DLGAP2: variants seen among roughly 807,000 people sequenced by gnomAD.
The protein encoded by DLGAP2 is disks large-associated protein 2.
Under a neutral mutation model 100.3 loss-of-function variants are expected in DLGAP2, and 26 were observed. That is an observed-to-expected ratio of 0.26 (90% CI 0.19 to 0.36). The LOEUF (loss-of-function observed/expected upper bound fraction) is 0.36. DLGAP2 is among the 10% of genes least tolerant of loss of function. DLGAP2 has a pLI of 1.00. For missense variants in DLGAP2, 1,858 were observed against 1,453.2 expected (o/e 1.28, Z -4.53); for synonymous variants, 886 against 630.1 (o/e 1.41, Z -6.08).
At position 749,067 on chromosome 8, in the gene DLGAP2, A is replaced by G. The variant is rs537816089; in HGVS notation, c.18+11242A>G. ...CAGGCTGGAATGCAGGGGCATCATC[A>G]TAGCTCAGTGCAGCCTTGACTTTCT... On this transcript the variant is annotated intron_variant, in intron 1 of 14. Transcript: ENST00000637795. Among the ~76,000 whole-genome samples, 6 of 152,292 alleles carry G rather than the reference A, an allele frequency of 3.9e-5. No homozygotes were observed. In the South Asian group the frequency reaches 1.2e-3, roughly 32 times the overall value.
intron 1 of DLGAP2, among the ~76,000 whole-genome samples, chr8:877,719 A>T (rs979008087): frequency 6.6e-6 from 1 of 152,162 alleles, no homozygotes; most frequent in African/African-American, 2.4e-5. Context: ...TCCCAGTTGC[A>T]TTTCACCACA....
intron 3 of DLGAP2, among the ~76,000 whole-genome samples, chr8:1,451,862 C>A (rs1391881042): frequency 6.6e-6 from 1 of 152,238 alleles, no homozygotes. Flanking sequence ...TGTACCCAAA[C>A]CATCCTGTTC....
At chr8:969,702 T>TCC (rs1799967594) in intron 2 of DLGAP2, among the ~76,000 whole-genome samples, 1 of 152,116 alleles carries the variant, frequency 6.6e-6, no homozygotes, top group Admixed American at 6.6e-5. Flanking sequence ...GCTGCAAACC[T>TCC]CCCCTCAGCT....
chr8:787,273 C>G lies in DLGAP2; in HGVS notation c.18+49448C>G, dbSNP rs144422411. ...TTAGTAACTATGGCAGAGCCTGACG[C>G]GTCTGTTCTCTCACATTTGCCTGTC... On this transcript the variant is annotated intron_variant, in intron 1 of 14. Transcript: ENST00000637795. Among the ~76,000 whole-genome samples, 609 of 151,140 alleles carry G rather than the reference C, an allele frequency of 4.0e-3. 5 individuals are homozygous for G. The highest frequency in any genetic ancestry group is 0.014 in the African/African-American group (578 of 41,470).
chr8:1,468,817 C>T (rs1235470304), intron 3 of DLGAP2, among the ~76,000 whole-genome samples: 1 of 152,334 alleles, frequency 6.6e-6, no homozygotes, highest in African/African-American at 2.4e-5. Flanking sequence ...CCCTCCCACT[C>T]TCCATGGATG....
At chr8:1,645,106 A>G in intron 8 of DLGAP2, among the ~76,000 whole-genome samples, 1 of 152,266 alleles carries the variant, frequency 6.6e-6, no homozygotes, top group South Asian at 2.1e-4. Context: ...TGAATGAATC[A>G]AATGAATGAA....
chr8:1,476,469 G>C (rs557605301), intron 3 of DLGAP2, among the ~76,000 whole-genome samples: 1 of 152,130 alleles, frequency 6.6e-6, no homozygotes, highest in Non-Finnish European at 1.5e-5. Flanking sequence ...TCGGCTGAGC[G>C]CAGCGTGGGT....
At chr8:767,604 C>T (rs1232514995) in intron 1 of DLGAP2, among the ~76,000 whole-genome samples, 1 of 152,134 alleles carries the variant, frequency 6.6e-6, no homozygotes, top group African/African-American at 2.4e-5. Context: ...ATCCACGTGC[C>T]TTGGCCTCCC....
intron 2 of DLGAP2, among the ~76,000 whole-genome samples, chr8:1,134,760 A>C (rs1474501096): frequency 6.6e-6 from 1 of 152,178 alleles, no homozygotes; most frequent in Non-Finnish European, 1.5e-5. Context: ...GCAGGCCCAT[A>C]TTACGTGGCG....
At chr8:1,234,286 C>T (rs1798597753) in intron 2 of DLGAP2, among the ~76,000 whole-genome samples, 1 of 152,152 alleles carries the variant, frequency 6.6e-6, no homozygotes, top group African/African-American at 2.4e-5. Context: ...CTGGAGGCCA[C>T]GGGTCTGAAA....
intron 3 of DLGAP2, among the ~76,000 whole-genome samples, chr8:1,437,280 C>G (rs1201269799): frequency 1.3e-5 from 2 of 152,256 alleles, no homozygotes; most frequent in African/African-American, 4.8e-5. Flanking sequence ...CTCCGTTCAG[C>G]CCAGGCATGC....
intron 2 of DLGAP2, among the ~76,000 whole-genome samples, chr8:994,308 C>T (rs1202938939): frequency 2.0e-5 from 3 of 152,152 alleles, no homozygotes; most frequent in African/African-American, 7.2e-5. Context: ...TCAAGCGATT[C>T]TCCTGCCTTA....
At chr8:1,168,757 G>A (rs1179062616) in intron 2 of DLGAP2, among the ~76,000 whole-genome samples, 1 of 138,952 alleles carries the variant, frequency 7.2e-6, no homozygotes, top group African/African-American at 2.9e-5. Context: ...ATTTGTTTGA[G>A]TTCATTGTAG....
intron 2 of DLGAP2, among the ~76,000 whole-genome samples, chr8:1,149,836 A>G (rs919487389): frequency 2.0e-5 from 3 of 152,114 alleles, no homozygotes; most frequent in African/African-American, 7.2e-5. Context: ...GTAGTTCCTG[A>G]GGATCACCAC....
At chr8:1,276,068 TATATA>T (rs1322409371) in intron 3 of DLGAP2, among the ~76,000 whole-genome samples, 4 of 140,362 alleles carry the variant, frequency 2.8e-5, no homozygotes, top group Admixed American at 7.6e-5. Context: ...TAAAAATAAA[TATATA>T]ATATATAAAT....
At chr8:1,097,226 C>T (rs1351281170) in intron 2 of DLGAP2, among the ~76,000 whole-genome samples, 2 of 127,820 alleles carry the variant, frequency 1.6e-5, no homozygotes, top group Non-Finnish European at 1.6e-5. Context: ...CCTTCACCCT[C>T]TGTGGCATGG....
chr8:953,963 C>T lies in DLGAP2; in HGVS notation c.73+45997C>T, dbSNP rs144374092. 1.6e-3 allele frequency among the ~76,000 whole-genome samples: 245 copies of T among 152,270 alleles called. 3 individuals are homozygous for T. The highest frequency in any genetic ancestry group is 0.012 in the Admixed American group (180 of 15,292). ...CTGCAAGTGTTTGCTGTGGAAGGTG[C>T]CATGAGGACTTGTGCCACTGGTGCT... is the stretch of plus-strand genomic sequence containing the variant. On this transcript the variant is annotated intron_variant, in intron 2 of 14. Coordinates refer to ENST00000637795, the MANE Select transcript of DLGAP2 (RefSeq NM_001346810.2).
chr8:1,112,353 G>C (rs1282744367), intron 2 of DLGAP2, among the ~76,000 whole-genome samples: 1 of 145,782 alleles, frequency 6.9e-6, no homozygotes, highest in African/African-American at 2.5e-5. Flanking sequence ...CCATACTCCT[G>C]ACTCAGCCTC....
intron 3 of DLGAP2, among the ~76,000 whole-genome samples, chr8:1,357,809 C>T (rs1801891346): frequency 6.6e-6 from 1 of 152,186 alleles, no homozygotes; most frequent in Admixed American, 6.5e-5. Context: ...CAGACATACG[C>T]TGGGGCTCAG....
Sources: allele counts gnomAD v4.1 joint callset (sites outside exome capture counted in the v4.1 genomes callset), GRCh38; gene constraint gnomAD v4.1.1; transcripts MANE v1.5; gene names NCBI Gene and HGNC (gene_info 2026-07-23, HGNC 2026-07-21).